Variants in KCNB2 observed in about 807,000 individuals in gnomAD.
The protein encoded by KCNB2 is potassium voltage-gated channel subfamily B member 2, also known as delayed rectifier potassium channel protein.
Under a neutral mutation model 61.5 loss-of-function variants are expected in KCNB2, and 15 were observed. That is an observed-to-expected ratio of 0.24 (90% CI 0.16 to 0.38). The LOEUF (loss-of-function observed/expected upper bound fraction) is 0.38. Ranked by LOEUF, KCNB2 falls within the 10% of genes least tolerant of loss-of-function variation. KCNB2 has a pLI of 1.00. For synonymous variants in KCNB2, 457 were observed against 446.0 expected, an observed-to-expected ratio of 1.02 and a Z score of -0.31; for missense variants, 828 against 1,125.2, an observed-to-expected ratio of 0.74 and a Z score of 3.78.
chr8:72,691,018 A>G (rs925446309), intron 2 of KCNB2, among the ~76,000 whole-genome samples: 3 of 152,224 alleles, frequency 2.0e-5, no homozygotes, highest in Admixed American at 2.0e-4. Flanking sequence ...CAATGGAGCC[A>G]AGTGTCAAGT....
chr8:72,915,561 C>G (rs1806382381), intron 2 of KCNB2, among the ~76,000 whole-genome samples: 5 of 151,922 alleles, frequency 3.3e-5, no homozygotes, highest in Admixed American at 3.3e-4. Flanking sequence ...AATATTAGAA[C>G]TGGGGGGGAA....
intron 2 of KCNB2, among the ~76,000 whole-genome samples, chr8:72,570,993 A>G (rs913753501): frequency 1.3e-5 from 2 of 152,226 alleles, no homozygotes; most frequent in Admixed American, 1.3e-4. Flanking sequence ...GGGATTTCAT[A>G]TTATTGAAAA....
intron 2 of KCNB2, among the ~76,000 whole-genome samples, chr8:72,833,053 T>G (rs893813455): frequency 6.6e-6 from 1 of 152,128 alleles, no homozygotes; most frequent in Non-Finnish European, 1.5e-5. Flanking sequence ...GGGGAAATAT[T>G]GAAGATGATA....
intron 2 of KCNB2, among the ~76,000 whole-genome samples, chr8:72,824,613 G>T (rs917955873): frequency 6.6e-6 from 1 of 152,100 alleles, no homozygotes; most frequent in African/African-American, 2.4e-5. Flanking sequence ...GCAAATGCAG[G>T]CCCATCCCAA....
At chr8:72,707,061 G>A (rs1585842446) in intron 2 of KCNB2, among the ~76,000 whole-genome samples, 2 of 152,136 alleles carry the variant, frequency 1.3e-5, no homozygotes, top group East Asian at 3.9e-4. Flanking sequence ...AGTACTTAAT[G>A]GGATATGTAG....
At chr8:72,757,945 A>G (rs573895307) in intron 2 of KCNB2, among the ~76,000 whole-genome samples, 1 of 152,368 alleles carries the variant, frequency 6.6e-6, no homozygotes, top group South Asian at 2.1e-4. Context: ...CCAAGGCCAC[A>G]TGCCCTGTGG....
At chr8:72,675,040 C>T (rs1439512303) in intron 2 of KCNB2, among the ~76,000 whole-genome samples, 4 of 152,118 alleles carry the variant, frequency 2.6e-5, no homozygotes, top group Non-Finnish European at 5.9e-5. Context: ...CTATTTGCTC[C>T]TTTAGTCATA....
chr8:72,638,168 A>T (rs1233876985), intron 2 of KCNB2, among the ~76,000 whole-genome samples: 1 of 152,146 alleles, frequency 6.6e-6, no homozygotes, highest in Non-Finnish European at 1.5e-5. Flanking sequence ...AGTATCCGCC[A>T]TTCAGAACTC....
chr8:72,676,947 T>C (rs1806664520), intron 2 of KCNB2, among the ~76,000 whole-genome samples: 2 of 152,166 alleles, frequency 1.3e-5, no homozygotes, highest in Non-Finnish European at 2.9e-5. Context: ...AATTCATCTG[T>C]TGAACTCTTA....
chr8:72,636,077 C>T (rs1368564777), intron 2 of KCNB2, among the ~76,000 whole-genome samples: 4 of 144,578 alleles, frequency 2.8e-5, no homozygotes, highest in Non-Finnish European at 6.1e-5. Flanking sequence ...GGAAGGTTAG[C>T]TCTTATTCGG....
chr8:72,599,924 G>C (rs1229762178), intron 2 of KCNB2, among the ~76,000 whole-genome samples: 1 of 151,968 alleles, frequency 6.6e-6, no homozygotes, highest in African/African-American at 2.4e-5. Flanking sequence ...TTAGAATGGC[G>C]ATCATTAAAA....
intron 2 of KCNB2, among the ~76,000 whole-genome samples, chr8:72,924,475 T>TG (rs1212118106): frequency 6.6e-6 from 1 of 152,160 alleles, no homozygotes; most frequent in African/African-American, 2.4e-5. Context: ...TCAGTGGGCC[T>TG]GGGGTGGGGC....
At chr8:72,728,340 T>C (rs1211546158) in intron 2 of KCNB2, among the ~76,000 whole-genome samples, 1 of 152,212 alleles carries the variant, frequency 6.6e-6, no homozygotes, top group Non-Finnish European at 1.5e-5. Flanking sequence ...ACAGAGAAGC[T>C]GATCAAGAAA....
intron 2 of KCNB2, among the ~76,000 whole-genome samples, chr8:72,839,191 T>G (rs1389395763): frequency 1.3e-5 from 2 of 152,248 alleles, no homozygotes; most frequent in Non-Finnish European, 2.9e-5. Flanking sequence ...TAATATTTTA[T>G]GTTCTTTTCT....
At chr8:72,550,628 T>C (rs1010315850) in intron 1 of KCNB2, among the ~76,000 whole-genome samples, 15 of 152,354 alleles carry the variant, frequency 9.8e-5, no homozygotes, top group African/African-American at 3.6e-4. Context: ...TTCTGTGCTC[T>C]GCTTCTGGTC....
chr8:72,890,888 A>G (rs1409478857), intron 2 of KCNB2, among the ~76,000 whole-genome samples: 1 of 148,022 alleles, frequency 6.8e-6, no homozygotes, highest in African/African-American at 2.5e-5. Context: ...CATGGCAGAA[A>G]ACTGTCAACA....
chr8:72,841,081 T>C (rs1379064306), intron 2 of KCNB2, among the ~76,000 whole-genome samples: 1 of 152,210 alleles, frequency 6.6e-6, no homozygotes, highest in Non-Finnish European at 1.5e-5. Flanking sequence ...AATTTTTGTA[T>C]AAGGTGTAAG....
At position 72,863,697 on chromosome 8, in the gene KCNB2, G is replaced by T. The variant is rs112844581; in HGVS notation, c.580-72238G>T. On this transcript the variant is annotated intron_variant, in intron 2 of 2. Coordinates refer to ENST00000523207, the MANE Select transcript of KCNB2 (RefSeq NM_004770.3). ...TGGCAGCCCGCCAACTTGTGAAAAT[G>T]TGACAAGGTATGTAAAAAGGCCATA... 2.9e-3 allele frequency among the ~76,000 whole-genome samples: 445 copies of T among 152,330 alleles called. 4 individuals are homozygous for T. Among genetic ancestry groups the T allele is most frequent in the African/African-American group, 7.8e-3 (324 of 41,586 alleles).
chr8:72,848,659 A>G (rs761720936), intron 2 of KCNB2, among the ~76,000 whole-genome samples: 1 of 152,152 alleles, frequency 6.6e-6, no homozygotes, highest in East Asian at 1.9e-4. Context: ...CTGATCTGTG[A>G]CTTCCTGTGT....
Sources: gnomAD v4.1 joint callset for allele counts (sites outside exome capture counted in the v4.1 genomes callset) on GRCh38, gnomAD v4.1.1 for gene constraint, MANE v1.5 for transcripts, NCBI Gene and HGNC (gene_info 2026-07-23, HGNC 2026-07-21) for gene names.